Variants in FAM171A1 observed in about 807,000 individuals in gnomAD.
The protein encoded by FAM171A1 is family with sequence similarity 171 member A1.
Under a neutral mutation model 74.9 loss-of-function variants are expected in FAM171A1, and 23 were observed. The observed-to-expected ratio is 0.31, with a 90% CI of 0.22 to 0.44. The LOEUF (loss-of-function observed/expected upper bound fraction) is 0.44. FAM171A1 is among the 20% of genes least tolerant of loss of function. The pLI is 1.00. For missense variants in FAM171A1, 1,162 were observed against 1,159.2 expected, an observed-to-expected ratio of 1.00 and a Z score of -0.03; for synonymous variants, 527 against 505.7, an observed-to-expected ratio of 1.04 and a Z score of -0.57.
intron 3 of FAM171A1, among the ~76,000 whole-genome samples, chr10:15,255,240 C>T (rs1040987310): frequency 6.6e-6 from 1 of 152,188 alleles, no homozygotes; most frequent in Non-Finnish European, 1.5e-5. Flanking sequence ...GACTATTAAT[C>T]TCTTTACTCA....
Position 15,233,521 on chromosome 10 carries a change from G to GGTGTGTGTGTGT in FAM171A1, c.755-12473_755-12462dup, listed in dbSNP as rs61637156. Among the ~76,000 whole-genome samples, 48 of 145,368 alleles carry GGTGTGTGTGTGT rather than the reference G, an allele frequency of 3.3e-4. No homozygotes were observed. In the East Asian group the frequency reaches 4.1e-3, roughly 13 times the overall value. On this transcript the variant is annotated intron_variant, in intron 5 of 7. Transcript: ENST00000378116. ...TTCTGCACATGCCGGGTGTATTCAG[G>GGTGTGTGTGTGT]GTGTGTGTGTGTGTGTGTGTGTGTG...
intron 5 of FAM171A1, among the ~76,000 whole-genome samples, chr10:15,233,249 C>G (rs761169754): frequency 4.3e-4 from 66 of 152,050 alleles, no homozygotes; most frequent in Non-Finnish European, 7.9e-4. Flanking sequence ...GAGTGGAGAT[C>G]ACACCACTAC....
intron 1 of FAM171A1, 96 bp downstream of exon 1, chr10:15,370,860 C>T: frequency 1.5e-5 from 7 of 460,416 alleles, no homozygotes; most frequent in Non-Finnish European, 2.0e-5. Context: ...CGCCACCACG[C>T]GGCCCGGGAC....
intron 1 of FAM171A1, 44 bp downstream of exon 1, chr10:15,370,912 C>A: frequency 1.0e-6 from 1 of 967,728 alleles, no homozygotes; most frequent in Non-Finnish European, 1.3e-6. Context: ...CCGCGCCAGG[C>A]CCGGCGCGAC....
At chr10:15,294,992 T>G (rs555793183) in intron 1 of FAM171A1, among the ~76,000 whole-genome samples, 3 of 152,360 alleles carry the variant, frequency 2.0e-5, no homozygotes, top group South Asian at 2.1e-4. Context: ...CTCGGCTCAC[T>G]GCAACCTCCA....
intron 5 of FAM171A1, among the ~76,000 whole-genome samples, chr10:15,246,770 G>T: frequency 6.6e-6 from 1 of 152,128 alleles, no homozygotes; most frequent in South Asian, 2.1e-4. Flanking sequence ...TGATCTGCCC[G>T]CCTTGCCTCC....
At chr10:15,269,804 T>C (rs2131790974) in intron 3 of FAM171A1, among the ~76,000 whole-genome samples, 1 of 152,300 alleles carries the variant, frequency 6.6e-6, no homozygotes, top group South Asian at 2.1e-4. Flanking sequence ...ACACTTACAG[T>C]GAACTGATAG....
chr10:15,249,227 GCCGGTATTA>G (rs1163950305), intron 4 of FAM171A1, among the ~76,000 whole-genome samples: 1 of 151,276 alleles, frequency 6.6e-6, no homozygotes, highest in Non-Finnish European at 1.5e-5. Context: ...CTCCCAAGTA[GCCGGTATTA>G]CAGGCTTCCA....
chr10:15,223,538 C>T (rs1417261765), intron 5 of FAM171A1, among the ~76,000 whole-genome samples: 1 of 152,192 alleles, frequency 6.6e-6, no homozygotes, highest in African/African-American at 2.4e-5. Flanking sequence ...CTTTCTCCTG[C>T]CTTTCTCCCT....
chr10:15,212,739 G>A lies in FAM171A1; in HGVS notation c.*176C>T, dbSNP rs146852103. The A allele has an allele frequency of 1.3e-3, 1,205 of 902,520 alleles. 12 individuals carry two copies. The East Asian group carries it at 0.021, about 16-fold the overall frequency. The allele number at this position is 902,520 out of a possible 1,614,324, so 55.9% of individuals were successfully genotyped here. ...ATCCGCCAAAGTCATCCTTTATTCC[G>A]AGTAATAACTTTAATTCCTTTCTAA... On this transcript the variant is annotated 3_prime_UTR_variant, in exon 8 of 8. Coordinates refer to ENST00000378116, the MANE Select transcript of FAM171A1 (RefSeq NM_001010924.2).
chr10:15,274,136 C>T (rs1056680221), intron 3 of FAM171A1, among the ~76,000 whole-genome samples: 9 of 152,156 alleles, frequency 5.9e-5, no homozygotes, highest in African/African-American at 2.2e-4. Context: ...TTAGAAAACC[C>T]CATCGTCTCA....
At chr10:15,349,101 T>A (rs1014103704) in intron 1 of FAM171A1, among the ~76,000 whole-genome samples, 2 of 152,158 alleles carry the variant, frequency 1.3e-5, no homozygotes, top group African/African-American at 4.8e-5. Flanking sequence ...ACAACAGTTG[T>A]TAAGTTGTTA....
intron 1 of FAM171A1, among the ~76,000 whole-genome samples, chr10:15,288,775 G>A (rs996352142): frequency 6.2e-5 from 9 of 144,798 alleles, no homozygotes; most frequent in African/African-American, 2.3e-4. Context: ...CGCTTGGTAT[G>A]ATCAGAGAGA....
At chr10:15,265,835 AG>A (rs1454888781) in intron 3 of FAM171A1, among the ~76,000 whole-genome samples, 1 of 152,100 alleles carries the variant, frequency 6.6e-6, no homozygotes, top group Non-Finnish European at 1.5e-5. Flanking sequence ...ATGGTAGGAA[AG>A]GGGGGTATCA....
At chr10:15,369,215 T>TATATATATATATATATATTGA (rs1836103490) in intron 1 of FAM171A1, among the ~76,000 whole-genome samples, 9 of 145,960 alleles carry the variant, frequency 6.2e-5, no homozygotes, top group Admixed American at 2.7e-4. Flanking sequence ...ATATATTGAA[T>TATATATATATATATATATTGA]ATATATATAT....
chr10:15,346,481 C>T (rs1013341106), intron 1 of FAM171A1, among the ~76,000 whole-genome samples: 1 of 152,312 alleles, frequency 6.6e-6, no homozygotes, highest in Middle Eastern at 3.4e-3. Context: ...AATGATTATA[C>T]AGCTCCCGAA....
At chr10:15,365,467 T>C (rs11259630) in intron 1 of FAM171A1, among the ~76,000 whole-genome samples, 4,489 of 151,874 alleles carry the variant, frequency 0.03, 217 homozygotes, top group African/African-American at 0.1. Flanking sequence ...GTTCTGAAAA[T>C]GGTAAATGAA....
intron 1 of FAM171A1, among the ~76,000 whole-genome samples, chr10:15,323,466 A>T (rs1813445463): frequency 2.0e-5 from 3 of 152,166 alleles, no homozygotes; most frequent in African/African-American, 7.2e-5. Context: ...AAATAAATAC[A>T]TACATAAATA....
intron 1 of FAM171A1, among the ~76,000 whole-genome samples, chr10:15,325,700 T>A (rs1311062533): frequency 6.6e-6 from 1 of 152,084 alleles, no homozygotes; most frequent in Non-Finnish European, 1.5e-5. Flanking sequence ...GGCATGGACA[T>A]CCCATTTGTC....
Sources: gnomAD v4.1 joint callset for allele counts (sites outside exome capture counted in the v4.1 genomes callset) on GRCh38, gnomAD v4.1.1 for gene constraint, MANE v1.5 for transcripts, NCBI Gene and HGNC (gene_info 2026-07-23, HGNC 2026-07-21) for gene names.